Variants in RAPGEF2 observed in about 807,000 individuals in gnomAD.
RAPGEF2 encodes the protein PDZ domain containing guanine nucleotide exchange factor (GEF) 1.
In RAPGEF2, 54 loss-of-function variants were observed where a neutral mutation model predicts 186.7. That is an observed-to-expected ratio of 0.29 (90% CI 0.23 to 0.36). The LOEUF is 0.36. RAPGEF2 is among the 10% of genes least tolerant of loss of function. The pLI is 1.00. For synonymous variants in RAPGEF2, 712 were observed against 705.9 expected (o/e 1.01, Z -0.14); for missense variants, 1,532 against 2,045.0 (o/e 0.75, Z 4.84).
intron 7 of RAPGEF2, chr4:159,282,460 CGT>C (rs1244050928): frequency 2.5e-4 from 62 of 246,102 alleles, no homozygotes; most frequent in South Asian, 6.3e-4. Context: ...GTAGTCATTT[CGT>C]GTGTGTGTGT....
chr4:159,240,282 G>C (rs1753804273), intron 5 of RAPGEF2, among the ~76,000 whole-genome samples: 2 of 149,070 alleles, frequency 1.3e-5, no homozygotes, highest in Non-Finnish European at 3.0e-5. Context: ...GTCACATGAG[G>C]AATAACCTAA....
At chr4:159,232,406 T>A (rs1352490238) in intron 4 of RAPGEF2, among the ~76,000 whole-genome samples, 1 of 152,232 alleles carries the variant, frequency 6.6e-6, no homozygotes, top group Non-Finnish European at 1.5e-5. Context: ...GGCTGGTTTG[T>A]TGTCTTTAGT....
intron 7 of RAPGEF2, among the ~76,000 whole-genome samples, chr4:159,272,991 T>C (rs1377252237): frequency 1.3e-5 from 2 of 152,206 alleles, no homozygotes; most frequent in Non-Finnish European, 2.9e-5. Flanking sequence ...CTGTAAACAT[T>C]GGGTAGAGTG....
chr4:159,171,684 A>ATT (rs35888836), intron 1 of RAPGEF2, among the ~76,000 whole-genome samples: 18 of 150,640 alleles, frequency 1.2e-4, no homozygotes, highest in Middle Eastern at 3.4e-3. Flanking sequence ...TGTCTCTTAA[A>ATT]TTTTTTTTTT....
At chr4:159,202,765 C>CA (rs1415751306) in intron 3 of RAPGEF2, among the ~76,000 whole-genome samples, 1 of 152,092 alleles carries the variant, frequency 6.6e-6, no homozygotes, top group Non-Finnish European at 1.5e-5. Flanking sequence ...CCATGCCTGG[C>CA]TAATTTTTGT....
chr4:159,131,519 ATTTTTTTTTTTTTTT>A (rs35670450), intron 1 of RAPGEF2, among the ~76,000 whole-genome samples: 1 of 37,188 alleles, frequency 2.7e-5, no homozygotes, highest in Non-Finnish European at 5.0e-5. Flanking sequence ...ATTAATTGCT[ATTTTTTTTTTTTTTT>A]TTTTTTTTTT....
chr4:159,141,298 G>A (rs114035985), intron 1 of RAPGEF2, among the ~76,000 whole-genome samples: 2,263 of 152,170 alleles, frequency 0.015, 68 homozygotes, highest in African/African-American at 0.051. Flanking sequence ...CTGGGCAGTC[G>A]TTTCATACAC....
intron 25 of RAPGEF2, among the ~76,000 whole-genome samples, chr4:159,348,290 A>G (rs535256944): frequency 6.9e-5 from 10 of 144,922 alleles, no homozygotes; most frequent in African/African-American, 2.6e-4. Context: ...ATGGATAGAT[A>G]GATAAAGATA....
chr4:159,327,042 G>C (rs1001934135), intron 11 of RAPGEF2: 1 of 152,148 alleles, frequency 6.6e-6, no homozygotes, highest in African/African-American at 2.4e-5. Context: ...GGAATCATAG[G>C]CTCTAATAGC....
intron 19 of RAPGEF2, among the ~76,000 whole-genome samples, chr4:159,340,669 AC>A (rs1561311997): frequency 4.4e-5 from 5 of 114,170 alleles, no homozygotes; most frequent in African/African-American, 1.4e-4. Flanking sequence ...CACCATCACC[AC>A]ACACACACAC....
intron 1 of RAPGEF2, among the ~76,000 whole-genome samples, chr4:159,120,811 T>C (rs913642841): frequency 6.6e-6 from 1 of 152,182 alleles, no homozygotes; most frequent in African/African-American, 2.4e-5. Context: ...TAAGAGTTTA[T>C]TGGGCTGAGA....
intron 7 of RAPGEF2, among the ~76,000 whole-genome samples, chr4:159,262,369 T>C (rs886700155): frequency 2.0e-4 from 31 of 152,230 alleles, no homozygotes; most frequent in African/African-American, 6.8e-4. Flanking sequence ...AATATTCTTT[T>C]ACATATGCGG....
At position 159,125,838 on chromosome 4, in the gene RAPGEF2, C is replaced by G. The variant is rs553545485; in HGVS notation, c.69+21607C>G. 3.3e-5 allele frequency among the ~76,000 whole-genome samples: 5 copies of G among 152,028 alleles called. No homozygotes were observed. The East Asian group carries it at 9.7e-4, about 29-fold the overall frequency. On this transcript the variant is annotated intron_variant, in intron 1 of 29. Coordinates refer to ENST00000691494, the MANE Select transcript of RAPGEF2 (RefSeq NM_001394067.2). Reference sequence around the variant, plus strand: ...TATCAATATGTGTTAAGAAAAGAGGCTGTTCCAATTGGATTTTGGTTGTTA... The same window carrying G: ...TATCAATATGTGTTAAGAAAAGAGGGTGTTCCAATTGGATTTTGGTTGTTA...
chr4:159,286,229 C>T (rs1760474996), intron 7 of RAPGEF2, among the ~76,000 whole-genome samples: 1 of 152,086 alleles, frequency 6.6e-6, no homozygotes, highest in African/African-American at 2.4e-5. Context: ...TCAGGTTGCT[C>T]AAACCTCTGT....
intron 7 of RAPGEF2, among the ~76,000 whole-genome samples, chr4:159,252,040 T>C (rs974342161): frequency 2.0e-5 from 3 of 152,008 alleles, no homozygotes; most frequent in Non-Finnish European, 4.4e-5. Flanking sequence ...AGGAACAAAC[T>C]CTGGACACAC....
At chr4:159,236,647 CTG>C (rs959925600) in intron 4 of RAPGEF2, among the ~76,000 whole-genome samples, 16 of 148,268 alleles carry the variant, frequency 1.1e-4, no homozygotes, top group Non-Finnish European at 2.0e-4. Flanking sequence ...TTGTCCAAGT[CTG>C]TAACCTGCCA....
At chr4:159,352,645 C>T in intron 26 of RAPGEF2, 40 bp from the exon 27 acceptor site, 1 of 1,494,318 alleles carries the variant, frequency 6.7e-7, no homozygotes, top group South Asian at 1.1e-5. Flanking sequence ...ATGTTATAAA[C>T]CTAGAGAGTC....
intron 7 of RAPGEF2, among the ~76,000 whole-genome samples, chr4:159,244,656 A>T (rs1158230490): frequency 6.6e-6 from 1 of 152,000 alleles, no homozygotes; most frequent in Non-Finnish European, 1.5e-5. Flanking sequence ...CAGGGAAAAG[A>T]TCATGAATAA....
At position 159,116,360 on chromosome 4, in the gene RAPGEF2, A is replaced by G. The variant is rs1739054597; in HGVS notation, c.69+12129A>G. On this transcript the variant is annotated intron_variant, in intron 1 of 29. Coordinates refer to ENST00000691494, the MANE Select transcript of RAPGEF2 (RefSeq NM_001394067.2). ...CTCAACATCACTGATGATTAGAGAAATGCAAATCAAAACCACAGTGATATA... is the reference window on the plus strand; with the variant it reads ...CTCAACATCACTGATGATTAGAGAAGTGCAAATCAAAACCACAGTGATATA... Among the ~76,000 whole-genome samples the G allele has an allele frequency of 2.0e-5, 3 of 152,236 alleles. No individual in the cohort carries two copies. The South Asian group carries it at 6.2e-4, about 31-fold the overall frequency.
Sources: gnomAD v4.1 joint callset for allele counts (sites outside exome capture counted in the v4.1 genomes callset) on GRCh38, gnomAD v4.1.1 for gene constraint, MANE v1.5 for transcripts, NCBI Gene and HGNC (gene_info 2026-07-23, HGNC 2026-07-21) for gene names.